Variants in TRPC5 observed in about 807,000 individuals in gnomAD.
TRPC5 encodes transient receptor potential cation channel subfamily C member 5.
In TRPC5, 9 loss-of-function variants were observed where a neutral mutation model predicts 56.5. The observed-to-expected ratio is 0.16, with a 90% CI of 0.10 to 0.28. The LOEUF is 0.28. Among genes scored for constraint, TRPC5 ranks in the 10% least tolerant of loss-of-function variants. The pLI is 1.00. For missense variants in TRPC5, 469 were observed against 748.9 expected, an observed-to-expected ratio of 0.63 and a Z score of 4.36; for synonymous variants, 282 against 278.5, an observed-to-expected ratio of 1.01 and a Z score of -0.13.
intron 1 of TRPC5, among the ~76,000 whole-genome samples, chrX:112,053,025 G>A (rs1200856643): frequency 1.8e-5 from 2 of 111,546 alleles, no homozygotes; most frequent in Non-Finnish European, 3.8e-5. Flanking sequence ...TTGTGGTATA[G>A]AAGTGACTCC....
intron 1 of TRPC5, among the ~76,000 whole-genome samples, chrX:112,003,508 G>T (rs1474998678): frequency 9.0e-6 from 1 of 110,825 alleles, no homozygotes; most frequent in Non-Finnish European, 1.9e-5. Context: ...TAGAGAGTTT[G>T]ACTCGGGTGT....
chrX:111,905,776 G>A (rs760535403), intron 3 of TRPC5, among the ~76,000 whole-genome samples: 22 of 109,611 alleles, frequency 2.0e-4, no homozygotes, highest in Admixed American at 1.3e-3. Flanking sequence ...TTAGCTGGGC[G>A]TGGTGGCGGG....
intron 6 of TRPC5, among the ~76,000 whole-genome samples, chrX:111,836,798 T>G (rs765727528): frequency 8.9e-6 from 1 of 112,445 alleles, no homozygotes; most frequent in South Asian, 3.7e-4. Context: ...ATATGAAAAC[T>G]ATTACTATTA....
At chrX:112,026,073 G>T (rs1396750900) in intron 1 of TRPC5, among the ~76,000 whole-genome samples, 1 of 112,015 alleles carries the variant, frequency 8.9e-6, no homozygotes, top group Non-Finnish European at 1.9e-5. Context: ...ACTCCTGGAT[G>T]CATCAGTGCC....
At chrX:111,977,545 C>T (rs1927964556) in intron 1 of TRPC5, among the ~76,000 whole-genome samples, 1 of 111,778 alleles carries the variant, frequency 8.9e-6, no homozygotes, top group Admixed American at 9.5e-5. Flanking sequence ...ACCTTCTTAA[C>T]ATTGATCTTG....
At chrX:111,898,449 T>A (rs1925178879) in intron 3 of TRPC5, among the ~76,000 whole-genome samples, 1 of 109,481 alleles carries the variant, frequency 9.1e-6, no homozygotes, top group Non-Finnish European at 1.9e-5. Context: ...CATTTTTGTA[T>A]CCCCTGTTTC....
chrX:111,961,376 T>C (rs896974860), intron 1 of TRPC5, among the ~76,000 whole-genome samples: 3 of 111,978 alleles, frequency 2.7e-5, no homozygotes, highest in African/African-American at 9.7e-5. Flanking sequence ...TTACTTAATA[T>C]TGTGTAGGAA....
chrX:111,849,046 G>A (rs1040965196), intron 5 of TRPC5, among the ~76,000 whole-genome samples: 1 of 112,279 alleles, frequency 8.9e-6, no homozygotes, highest in African/African-American at 3.2e-5. Flanking sequence ...TGATAGATCA[G>A]CCTTTAAAGG....
At chrX:111,909,021 C>T (rs1259357274) in intron 3 of TRPC5, among the ~76,000 whole-genome samples, 2 of 110,395 alleles carry the variant, frequency 1.8e-5, no homozygotes, top group African/African-American at 6.6e-5. Flanking sequence ...TGGTGGCTTA[C>T]GCCTGTAATC....
At chrX:111,905,914 C>CAA (rs1202912083) in intron 3 of TRPC5, among the ~76,000 whole-genome samples, 2,149 of 36,695 alleles carry the variant, frequency 0.059, 45 homozygotes, top group Non-Finnish European at 0.089. Flanking sequence ...GTCTCTGTCT[C>CAA]AAAAAAAAAA....
At chrX:111,787,957 G>T (rs933749132) in intron 7 of TRPC5, among the ~76,000 whole-genome samples, 1 of 111,837 alleles carries the variant, frequency 8.9e-6, no homozygotes, top group Admixed American at 9.5e-5. Flanking sequence ...GTACCAGATG[G>T]ATTTACAGCC....
At position 112,001,693 on chromosome X, in the gene TRPC5, G is replaced by A. The variant is rs752124414; in HGVS notation, c.-21-49252C>T. On this transcript the variant is annotated intron_variant, in intron 1 of 10. Coordinates refer to ENST00000262839, the MANE Select transcript of TRPC5 (RefSeq NM_012471.3). ...TGAGAATCACTTGAACCTGGGAGTC[G>A]GAGGTTGCAGTGAGCCAAGATCCTG... Among the ~76,000 whole-genome samples the A allele has an allele frequency of 2.7e-5, 3 of 111,556 alleles. No individual in the cohort carries two copies. In the South Asian group the frequency reaches 1.1e-3, roughly 42 times the overall value.
chrX:111,929,233 A>T (rs1386645799), intron 2 of TRPC5, among the ~76,000 whole-genome samples: 1 of 112,040 alleles, frequency 8.9e-6, no homozygotes, highest in Non-Finnish European at 1.9e-5. Context: ...GCTCCCAGCC[A>T]ACTCTTCCTC....
intron 2 of TRPC5, among the ~76,000 whole-genome samples, chrX:111,941,593 G>T (rs1926780372): frequency 9.0e-6 from 1 of 111,331 alleles, no homozygotes; most frequent in Non-Finnish European, 1.9e-5. Context: ...TCCTTGAAAT[G>T]CAGGGCACTG....
At chrX:111,789,757 A>T (rs1946002845) in intron 7 of TRPC5, among the ~76,000 whole-genome samples, 1 of 112,483 alleles carries the variant, frequency 8.9e-6, no homozygotes, top group Admixed American at 9.4e-5. Context: ...AAAAGATATA[A>T]ACAGACTTCT....
At chrX:112,047,618 T>C (rs1007779451) in intron 1 of TRPC5, among the ~76,000 whole-genome samples, 1 of 112,147 alleles carries the variant, frequency 8.9e-6, no homozygotes, top group Admixed American at 9.4e-5. Context: ...TAGAAATAAT[T>C]TGTAAAATGC....
intron 3 of TRPC5, among the ~76,000 whole-genome samples, chrX:111,907,854 A>AT (rs949703823): frequency 6.4e-5 from 7 of 108,865 alleles, no homozygotes; most frequent in East Asian, 2.9e-4. Flanking sequence ...TGAGTGTTTC[A>AT]TTTTTTTTTA....
intron 2 of TRPC5, among the ~76,000 whole-genome samples, chrX:111,919,021 G>A (rs1160706018): frequency 1.8e-5 from 2 of 111,444 alleles, no homozygotes; most frequent in African/African-American, 6.5e-5. Flanking sequence ...GATAATCAGA[G>A]TACTTTGGAT....
At position 111,950,125 on chromosome X, in the gene TRPC5, A is replaced by C. The variant is rs112096061; in HGVS notation, c.378+1918T>G. On this transcript the variant is annotated intron_variant, in intron 2 of 10. Coordinates refer to ENST00000262839, the MANE Select transcript of TRPC5 (RefSeq NM_012471.3). Reference sequence around the variant, plus strand: ...AGATCACGAGGTCAGGAGATCAAGAACATCCTGGCTAACACAGTGAAACCC... The same window carrying C: ...AGATCACGAGGTCAGGAGATCAAGACCATCCTGGCTAACACAGTGAAACCC... 7.1e-3 allele frequency among the ~76,000 whole-genome samples: 787 copies of C among 111,186 alleles called. 3 individuals are homozygous for C. The highest frequency in any genetic ancestry group is 8.3e-3 in the Non-Finnish European group (438 of 52,966).
Sources: allele counts gnomAD v4.1 joint callset (sites outside exome capture counted in the v4.1 genomes callset), GRCh38; gene constraint gnomAD v4.1.1; transcripts MANE v1.5; gene names NCBI Gene and HGNC (gene_info 2026-07-23, HGNC 2026-07-21).